KATNIP: variants seen among roughly 807,000 people sequenced by gnomAD.
KATNIP encodes the protein katanin interacting protein.
KATNIP carries 126 observed loss-of-function variants against 174.0 expected under a neutral mutation model. The observed-to-expected ratio is 0.72, with a 90% CI of 0.63 to 0.84. KATNIP has a LOEUF of 0.84. Ranked by LOEUF, KATNIP falls within the 40% of genes least tolerant of loss-of-function variation. The pLI is 0.00. For missense variants in KATNIP, 1,958 were observed against 2,109.7 expected (o/e 0.93, Z 1.41); for synonymous variants, 810 against 835.7 (o/e 0.97, Z 0.53).
At chr16:27,681,924 CT>C (rs1382043334) in intron 8 of KATNIP, among the ~76,000 whole-genome samples, 1 of 152,152 alleles carries the variant, frequency 6.6e-6, no homozygotes, top group East Asian at 1.9e-4. Context: ...CCTTACTCTC[CT>C]GATGAATATG....
At chr16:27,569,929 A>C (rs2090225437) in intron 1 of KATNIP, among the ~76,000 whole-genome samples, 1 of 152,040 alleles carries the variant, frequency 6.6e-6, no homozygotes. Flanking sequence ...GTTTGTTTTT[A>C]TAGAGACAAG....
intron 2 of KATNIP, among the ~76,000 whole-genome samples, chr16:27,577,833 A>C (rs553399059): frequency 2.8e-4 from 43 of 152,282 alleles, no homozygotes; most frequent in African/African-American, 9.9e-4. Flanking sequence ...TGATCACACC[A>C]CTGCATTCCA....
At chr16:27,633,463 TA>T (rs2076550704) in intron 5 of KATNIP, among the ~76,000 whole-genome samples, 1 of 150,424 alleles carries the variant, frequency 6.6e-6, no homozygotes, top group Non-Finnish European at 1.5e-5. Flanking sequence ...ATATATTTTT[TA>T]TTTTTTTTTT....
chr16:27,630,192 C>T (rs746220627), intron 4 of KATNIP, among the ~76,000 whole-genome samples: 1 of 152,206 alleles, frequency 6.6e-6, no homozygotes, highest in Non-Finnish European at 1.5e-5. Flanking sequence ...GAACCCTGTT[C>T]TGCCACTTTC....
chr16:27,609,462 C>T (rs1187633819), intron 2 of KATNIP, among the ~76,000 whole-genome samples: 45 of 136,780 alleles, frequency 3.3e-4, no homozygotes, highest in African/African-American at 1.2e-3. Context: ...GCGATCTCAG[C>T]TCACTGCAAG....
At chr16:27,565,829 G>A (rs1010347194) in intron 1 of KATNIP, among the ~76,000 whole-genome samples, 1 of 151,826 alleles carries the variant, frequency 6.6e-6, no homozygotes, top group Non-Finnish European at 1.5e-5. Flanking sequence ...GGAAGAGTGG[G>A]AAAGTGGGAG....
At chr16:27,728,061 G>T (rs1247411673) in intron 14 of KATNIP, among the ~76,000 whole-genome samples, 1 of 150,390 alleles carries the variant, frequency 6.6e-6, no homozygotes, top group African/African-American at 2.5e-5. Context: ...TGACTTGGAA[G>T]TCAAAGATGC....
At chr16:27,747,606 T>C (rs1332485271) in intron 15 of KATNIP, among the ~76,000 whole-genome samples, 3 of 152,176 alleles carry the variant, frequency 2.0e-5, no homozygotes, top group African/African-American at 4.8e-5. Context: ...GGAAGGATAC[T>C]GTCGGCATTG....
At chr16:27,703,854 C>T (rs61159891) in intron 11 of KATNIP, 42 bp from the exon 12 acceptor site, 17,323 of 1,414,480 alleles carry the variant, frequency 0.012, 485 homozygotes, top group East Asian at 0.11. Flanking sequence ...TTTTGTGTAT[C>T]ATTTACTACT....
intron 20 of KATNIP, among the ~76,000 whole-genome samples, chr16:27,768,722 T>C (rs1264380672): frequency 6.6e-6 from 1 of 152,130 alleles, no homozygotes; most frequent in Non-Finnish European, 1.5e-5. Flanking sequence ...CGAAGCCAGG[T>C]AGCACCACAC....
intron 7 of KATNIP, among the ~76,000 whole-genome samples, chr16:27,679,563 A>G (rs554252400): frequency 6.6e-6 from 1 of 152,156 alleles, no homozygotes; most frequent in Non-Finnish European, 1.5e-5. Flanking sequence ...CCTGGGAAAC[A>G]TGGCAAGACC....
chr16:27,641,882 G>A (rs1282042004), intron 5 of KATNIP, among the ~76,000 whole-genome samples: 1 of 152,186 alleles, frequency 6.6e-6, no homozygotes, highest in Non-Finnish European at 1.5e-5. Flanking sequence ...CCCATGGGGA[G>A]GCCAGGCCGC....
intron 6 of KATNIP, among the ~76,000 whole-genome samples, chr16:27,655,583 TTAA>T (rs943844607): frequency 6.6e-6 from 1 of 152,004 alleles, no homozygotes; most frequent in Non-Finnish European, 1.5e-5. Flanking sequence ...GAGATTTGAC[TTAA>T]TGATGTTACA....
In KATNIP at chr16:27,771,579, CT is replaced by C. The variant is rs2082304342; in HGVS notation, c.4134-4del. On this transcript the variant is annotated splice_region_variant and splice_polypyrimidine_tract_variant and intron_variant, in intron 21 of 27. Coordinates refer to ENST00000261588, the MANE Select transcript of KATNIP (RefSeq NM_015202.5). ...AGCTTCTTCATGGTGCTGTTTTGTG[CT>C]TTTTCAGGCTGGACATGAGAAGCCT... 1.2e-6 allele frequency: 2 copies of C among 1,611,928 alleles called. No individual in the cohort carries two copies. The highest frequency in any genetic ancestry group is 8.5e-7 in the Non-Finnish European group (1 of 1,178,788).
intron 2 of KATNIP, among the ~76,000 whole-genome samples, chr16:27,607,259 C>T (rs989874581): frequency 2.0e-5 from 3 of 152,128 alleles, no homozygotes; most frequent in African/African-American, 7.2e-5. Flanking sequence ...TGGATGCTGG[C>T]GCCACATAAA....
chr16:27,582,366 C>G (rs560793636), intron 2 of KATNIP, among the ~76,000 whole-genome samples: 2 of 152,284 alleles, frequency 1.3e-5, no homozygotes, highest in East Asian at 1.9e-4. Context: ...CAACTCTGCA[C>G]TTTTACGGGA....
At chr16:27,720,450 G>T (rs967091655) in intron 13 of KATNIP, among the ~76,000 whole-genome samples, 4 of 149,980 alleles carry the variant, frequency 2.7e-5, no homozygotes, top group Non-Finnish European at 5.9e-5. Flanking sequence ...CACTCCATGT[G>T]TGTGCATTCA....
chr16:27,755,538 C>G (rs2081689021), intron 18 of KATNIP: 1 of 152,230 alleles, frequency 6.6e-6, no homozygotes, highest in Admixed American at 6.5e-5. Context: ...TGGGGTCATC[C>G]TGAGTTGAGT....
At chr16:27,758,091 C>T (rs943617418) in intron 18 of KATNIP, among the ~76,000 whole-genome samples, 1 of 152,034 alleles carries the variant, frequency 6.6e-6, no homozygotes, top group African/African-American at 2.4e-5. Context: ...TCAGAACAGC[C>T]CCAAATTAGA....
Sources: allele counts gnomAD v4.1 joint callset (sites outside exome capture counted in the v4.1 genomes callset), GRCh38; gene constraint gnomAD v4.1.1; transcripts MANE v1.5; gene names NCBI Gene and HGNC (gene_info 2026-07-23, HGNC 2026-07-21).